TNKS1BP1: variants seen among roughly 807,000 people sequenced by gnomAD.
TNKS1BP1 encodes 182 kDa tankyrase-1-binding protein.
A neutral mutation model predicts 141.1 loss-of-function variants in TNKS1BP1; 48 were observed. The observed-to-expected ratio is 0.34, with a 90% CI of 0.27 to 0.43. The LOEUF (loss-of-function observed/expected upper bound fraction) is 0.43, where lower values mean the gene tolerates loss of function less well. Among genes scored for constraint, TNKS1BP1 ranks in the 20% least tolerant of loss-of-function variants. The pLI, the probability that TNKS1BP1 is intolerant of heterozygous loss-of-function variation, is 1.00. For synonymous variants in TNKS1BP1, 875 were observed against 898.2 expected (o/e 0.97, Z 0.46); for missense variants, 2,149 against 2,226.0 (o/e 0.97, Z 0.70).
In TNKS1BP1 at chr11:57,317,032, T is replaced by C. The variant is rs375676523; in HGVS notation, c.798+786A>G. Among the ~76,000 whole-genome samples the C allele has an allele frequency of 2.0e-5, 3 of 152,218 alleles. No individual in the cohort carries two copies. The East Asian group carries it at 5.8e-4, about 29-fold the overall frequency. On this transcript the variant is annotated intron_variant, in intron 4 of 11. Transcript: ENST00000358252. ...CAGGAAAGCACCAATGCCTTTGTAC[T>C]TGCTGTGCCCTCTACCAAGAATGCT...
rs368983075 is a variant in TNKS1BP1 at position 57,302,812 on chromosome 11, G to C, written c.4330C>G (p.Pro1444Ala). 1 of 1,538,808 alleles carries C rather than the reference G, an allele frequency of 6.5e-7. No individual in the cohort carries two copies. The highest frequency in any genetic ancestry group is 8.7e-7 in the Non-Finnish European group (1 of 1,146,070). ...LSFGASPGRC[P>A]ARPPPSGSQG... The stretch of plus-strand genomic sequence containing the variant: ...GAGCCGGAGGGTGGGGGGCGGGCCG[G>C]GCACCTGCCAGGGCTGTAAAGGGGA... Residue 1444 changes from proline to alanine, a missense_variant, in exon 7 of 12, where the codon CCG (proline) becomes GCG (alanine). Coordinates refer to ENST00000358252, the MANE Select transcript of TNKS1BP1 (RefSeq NM_033396.3). This position sits in a 1 kb window ranked among gnomAD's most constrained non-coding sequence, Gnocchi z 5.5.
Position 57,300,513 on chromosome 11 carries a change from G to A in TNKS1BP1, c.*12+15C>T. The A allele has an allele frequency of 6.2e-7, 1 of 1,614,092 alleles. No individual in the cohort carries two copies. On this transcript the variant is annotated intron_variant, in intron 11 of 11. Transcript: ENST00000358252. Reference sequence around the variant, plus strand: ...CCTCCTCAGACTGGATCCAAGCCCAGGAACCTGTCCTCACCTCAGTGACTT... The same window carrying A: ...CCTCCTCAGACTGGATCCAAGCCCAAGAACCTGTCCTCACCTCAGTGACTT...
In TNKS1BP1 at chr11:57,309,725, C is replaced by T; in HGVS notation, c.2986G>A (p.Glu996Lys). The T allele has an allele frequency of 1.2e-6, 2 of 1,614,242 alleles. No homozygotes were observed. Among genetic ancestry groups the T allele is most frequent in the Non-Finnish European group, 1.7e-6 (2 of 1,180,046 alleles). ...FSPEEAQQQD[E>K]EFEKKIPSVE... The stretch of plus-strand genomic sequence containing the variant: ...CTTGGAATCTTCTTCTCAAATTCCT[C>T]ATCCTGTTGCTGGGCTTCCTCGGGG... Residue 996 changes from glutamate to lysine, a missense_variant, in exon 6 of 12, where the codon GAG (glutamate) becomes AAG (lysine). Glu to Lys is a moderately conservative substitution (Grantham distance 56). Transcript: ENST00000358252. This position sits in a 1 kb window ranked among gnomAD's most constrained non-coding sequence, Gnocchi z 4.3.
Position 57,302,775 on chromosome 11 carries a change from A to G in TNKS1BP1, c.4367T>C (p.Leu1456Pro). Residue 1456 changes from leucine to proline, a missense_variant, in exon 7 of 12, where the codon CTG becomes CCG. Leu to Pro is a moderately conservative substitution (Grantham distance 98). Transcript: ENST00000358252. This position sits in a 1 kb window ranked among gnomAD's most constrained non-coding sequence, Gnocchi z 5.5. ...RPPPSGSQGL[L>P]EEMLAASSSK... ...GCTGCTGGCTGCCAGCATCTCCTCC[A>G]GCAGGCCCTGGGAGCCGGAGGGTGG... 1.3e-6 allele frequency: 2 copies of G among 1,564,320 alleles called. No individual in the cohort carries two copies. Among genetic ancestry groups the G allele is most frequent in the Non-Finnish European group, 1.7e-6 (2 of 1,158,918 alleles).
rs1855733192 is a variant in TNKS1BP1 at position 57,312,770 on chromosome 11, G to C, written c.1918C>G (p.Pro640Ala). 1 of 1,606,550 alleles carries C rather than the reference G, an allele frequency of 6.2e-7. No homozygotes were observed. The highest frequency in any genetic ancestry group is 1.3e-5 in the African/African-American group (1 of 74,990). Residue 640 changes from proline (P) to alanine (A), a missense_variant, in exon 5 of 12, where the codon CCT becomes GCT. Coordinates refer to ENST00000358252, the MANE Select transcript of TNKS1BP1 (RefSeq NM_033396.3). The part of the protein sequence containing the change: ...PCVLFADAPE[P>A]GQALPVEEEA... Reference sequence around the variant, plus strand: ...TCCTCAACAGGCAGTGCCTGTCCAGGCTCAGGGGCATCAGCAAAGAGAACA... The same window carrying C: ...TCCTCAACAGGCAGTGCCTGTCCAGCCTCAGGGGCATCAGCAAAGAGAACA...
At chr11:57,318,785 T>C (rs1364024886) in intron 3 of TNKS1BP1, among the ~76,000 whole-genome samples, 1 of 152,176 alleles carries the variant, frequency 6.6e-6, no homozygotes, top group Non-Finnish European at 1.5e-5. Flanking sequence ...TGGAGAAGCG[T>C]ATCATATGCA....
At chr11:57,300,316 C>T (rs1458189220) in intron 11 of TNKS1BP1, among the ~76,000 whole-genome samples, 1 of 152,190 alleles carries the variant, frequency 6.6e-6, no homozygotes, top group Non-Finnish European at 1.5e-5. Context: ...TTCTCCTCTT[C>T]CACACCAGGC....
At position 57,302,978 on chromosome 11, in the gene TNKS1BP1, T is replaced by G. The variant is rs1360162801; in HGVS notation, c.4317-153A>C. ...GACTCCAAGGACACGGTCAGGGCCT[T>G]GAGCAACACAGCACACAGGTGAAGA... On this transcript the variant is annotated intron_variant, in intron 6 of 11. Transcript: ENST00000358252. This position sits in a 1 kb window ranked among gnomAD's most constrained non-coding sequence, Gnocchi z 5.5. 2.2e-6 allele frequency: 2 copies of G among 930,000 alleles called. No individual in the cohort carries two copies. The highest frequency in any genetic ancestry group is 2.7e-5 in the East Asian group (1 of 36,600). The allele number at this position is 930,000 out of a possible 1,614,324, so 57.6% of individuals were successfully genotyped here.
In TNKS1BP1 at chr11:57,313,379, T is replaced by G; in HGVS notation, c.1309A>C (p.Ser437Arg). The G allele has an allele frequency of 6.2e-7, 1 of 1,612,558 alleles. No homozygotes were observed. The highest frequency in any genetic ancestry group is 1.7e-5 in the Admixed American group (1 of 59,984). The stretch of plus-strand genomic sequence containing the variant: ...CCCCCCAGCTTCTCCTGGTCCTGAC[T>G]GGGTGACTGGAGCACACCTTCAGAG... Reference protein sequence around the residue: ...RFSEGVLQSPSQDQEKLGGSL... With the variant: ...RFSEGVLQSPRQDQEKLGGSL... Residue 437 changes from serine to arginine, a missense_variant, in exon 5 of 12, where the codon AGT becomes CGT. Coordinates refer to ENST00000358252, the MANE Select transcript of TNKS1BP1 (RefSeq NM_033396.3).
intron 1 of TNKS1BP1, chr11:57,322,348 G>A (rs771029821): frequency 9.1e-6 from 9 of 985,628 alleles, no homozygotes; most frequent in African/African-American, 8.7e-5. Context: ...CACGGGAGAC[G>A]GGAAAAACCC....
intron 1 of TNKS1BP1, among the ~76,000 whole-genome samples, chr11:57,324,124 C>T (rs1855926395): frequency 6.6e-6 from 1 of 152,250 alleles, no homozygotes; most frequent in Admixed American, 6.5e-5. Flanking sequence ...TCCAGAAGGG[C>T]TGGGCAGCTC....
At chr11:57,322,071 TG>T (rs5792037) in intron 1 of TNKS1BP1, 121 bp from the exon 2 acceptor site, 133,829 of 322,856 alleles carry the variant, frequency 0.41, 20,216 homozygotes, top group East Asian at 0.6. Flanking sequence ...GAACTTGGAG[TG>T]GGGGGGGGGG....
chr11:57,317,802 C>A lies in TNKS1BP1; in HGVS notation c.798+16G>T. 1 of 1,611,784 alleles carries A rather than the reference C, an allele frequency of 6.2e-7. No homozygotes were observed. Among genetic ancestry groups the A allele is most frequent in the Non-Finnish European group, 8.5e-7 (1 of 1,178,026 alleles). On this transcript the variant is annotated intron_variant, in intron 4 of 11. Coordinates refer to ENST00000358252, the MANE Select transcript of TNKS1BP1 (RefSeq NM_033396.3). Reference sequence around the variant, plus strand: ...TAAAATACGTGATTCTGATTCATAACTGGAGGATAACTCACATCAGCAGGT... The same window carrying A: ...TAAAATACGTGATTCTGATTCATAAATGGAGGATAACTCACATCAGCAGGT...
At chr11:57,314,481 G>A (rs916811556) in intron 4 of TNKS1BP1, among the ~76,000 whole-genome samples, 3 of 152,160 alleles carry the variant, frequency 2.0e-5, no homozygotes, top group Admixed American at 6.5e-5. Flanking sequence ...GGCTTGAGCC[G>A]TCCCAGCACT....
At chr11:57,321,176 C>T (rs1001092400) in intron 2 of TNKS1BP1, among the ~76,000 whole-genome samples, 13 of 152,132 alleles carry the variant, frequency 8.5e-5, no homozygotes, top group Non-Finnish European at 1.3e-4. Flanking sequence ...CTCAGCTGAG[C>T]TTCTCTATCC....
intron 1 of TNKS1BP1, among the ~76,000 whole-genome samples, chr11:57,323,379 C>A (rs1209305335): frequency 6.6e-6 from 1 of 152,202 alleles, no homozygotes; most frequent in Non-Finnish European, 1.5e-5. Flanking sequence ...GGATAGGGCC[C>A]TGCACCTCTC....
At chr11:57,300,500 G>A (rs1855509049) in intron 11 of TNKS1BP1, 28 bp downstream of exon 11, 7 of 1,611,854 alleles carry the variant, frequency 4.3e-6, no homozygotes, top group Non-Finnish European at 5.9e-6. Flanking sequence ...TCCTCAGACT[G>A]GATCCAAGCC....
At position 57,309,547 on chromosome 11, in the gene TNKS1BP1, T is replaced by C; in HGVS notation, c.3164A>G (p.Gln1055Arg). The change falls in exon 6 of 12, where the codon CAG becomes CGG. Residue 1055 changes from glutamine to arginine, a missense_variant. By Grantham distance (43) the Gln-to-Arg change is conservative (BLOSUM62 1). Transcript: ENST00000358252. The surrounding 1 kb of genome is among the most constrained non-coding windows in gnomAD (Gnocchi z 4.3). ...QSSWQNSDAS[Q>R]EVGGHQERQQ... Reference sequence around the variant, plus strand: ...TCTCTCCTGATGCCCTCCCACCTCCTGGCTAGCATCACTGTTTTGCCAGCT... The same window carrying C: ...TCTCTCCTGATGCCCTCCCACCTCCCGGCTAGCATCACTGTTTTGCCAGCT... 1.2e-6 allele frequency: 2 copies of C among 1,613,434 alleles called. No homozygotes were observed. Among genetic ancestry groups the C allele is most frequent in the Non-Finnish European group, 1.7e-6 (2 of 1,180,016 alleles).
In TNKS1BP1 at chr11:57,321,758, C is replaced by A; in HGVS notation, c.94+34G>T. 3 of 1,570,642 alleles carry A rather than the reference C, an allele frequency of 1.9e-6. No individual in the cohort carries two copies. The South Asian group carries it at 3.5e-5, about 18-fold the overall frequency. On this transcript the variant is annotated intron_variant, in intron 2 of 11. Coordinates refer to ENST00000358252, the MANE Select transcript of TNKS1BP1 (RefSeq NM_033396.3). ...GCCTCTGTCCTTCCCACCCCCCTCCCAGCCACCTGGCTCCACCCTGCACCC... is the reference window on the plus strand; with the variant it reads ...GCCTCTGTCCTTCCCACCCCCCTCCAAGCCACCTGGCTCCACCCTGCACCC...
Sources: gnomAD v4.1 joint callset for allele counts (sites outside exome capture counted in the v4.1 genomes callset) on GRCh38, gnomAD v4.1.1 for gene constraint, Gnocchi (gnomAD v3.1) non-coding constraint, MANE v1.5 for transcripts, NCBI Gene and HGNC (gene_info 2026-07-23, HGNC 2026-07-21) for gene names.